Variants in SKAP1 observed in about 807,000 individuals in gnomAD.
SKAP1 encodes src kinase associated phosphoprotein 1, also known as src kinase-associated phosphoprotein 1.
SKAP1 carries 44 observed loss-of-function variants against 58.5 expected under a neutral mutation model. That is an observed-to-expected ratio of 0.75 (90% CI 0.59 to 0.97). The LOEUF is 0.97. SKAP1 is among the 50% of genes least tolerant of loss of function. The pLI, the probability that SKAP1 is intolerant of heterozygous loss-of-function variation, is 0.00. For synonymous variants in SKAP1, 127 were observed against 149.7 expected (o/e 0.85, Z 1.11); for missense variants, 390 against 435.2 (o/e 0.90, Z 0.92).
At chr17:48,296,160 C>T (rs2065967855) in intron 4 of SKAP1, among the ~76,000 whole-genome samples, 1 of 151,968 alleles carries the variant, frequency 6.6e-6, no homozygotes, top group East Asian at 1.9e-4. Context: ...AGCCAGAGCC[C>T]AGCCTGTTCC....
At chr17:48,402,608 G>A (rs2067513716) in intron 1 of SKAP1, among the ~76,000 whole-genome samples, 1 of 152,168 alleles carries the variant, frequency 6.6e-6, no homozygotes, top group Non-Finnish European at 1.5e-5. Flanking sequence ...GGGATTACAG[G>A]CGTGAGCCAC....
At chr17:48,201,309 C>G (rs775650212) in intron 4 of SKAP1, among the ~76,000 whole-genome samples, 4 of 146,542 alleles carry the variant, frequency 2.7e-5, no homozygotes, top group East Asian at 2.0e-4. Context: ...TTCTTCGTTC[C>G]TTCCTTCCTT....
chr17:48,137,922 C>A (rs1021662881), intron 11 of SKAP1, among the ~76,000 whole-genome samples: 1 of 152,164 alleles, frequency 6.6e-6, no homozygotes, highest in Non-Finnish European at 1.5e-5. Flanking sequence ...GGGATAATAT[C>A]TCCCTTCTAT....
chr17:48,373,422 G>T (rs1426472901), intron 2 of SKAP1, among the ~76,000 whole-genome samples: 1 of 152,104 alleles, frequency 6.6e-6, no homozygotes, highest in Non-Finnish European at 1.5e-5. Flanking sequence ...TGGGTGGGGG[G>T]ACAGAGCCAA....
chr17:48,439,286 A>G, the SKAP1 span, among the ~76,000 whole-genome samples: 20 of 152,332 alleles, frequency 1.3e-4, no homozygotes, highest in Non-Finnish European at 2.2e-4. Context: ...CAATATTCCA[A>G]TCAAAGCCTG....
At chr17:48,439,244 A>T in the SKAP1 span, among the ~76,000 whole-genome samples, 1 of 152,210 alleles carries the variant, frequency 6.6e-6, no homozygotes, top group Admixed American at 6.5e-5. Context: ...GCATCATGAG[A>T]CTATTGATGC....
intron 4 of SKAP1, among the ~76,000 whole-genome samples, chr17:48,233,809 T>C (rs1192944910): frequency 6.6e-6 from 1 of 152,080 alleles, no homozygotes; most frequent in Non-Finnish European, 1.5e-5. Context: ...TGGGCTGAGA[T>C]TGTGCCATTG....
At chr17:48,368,302 C>T (rs2067036354) in intron 2 of SKAP1, among the ~76,000 whole-genome samples, 1 of 152,180 alleles carries the variant, frequency 6.6e-6, no homozygotes, top group Admixed American at 6.5e-5. Context: ...ATAGAGAATT[C>T]TATACTCTTC....
At chr17:48,159,265 G>A (rs2064035967) in intron 11 of SKAP1, among the ~76,000 whole-genome samples, 1 of 152,196 alleles carries the variant, frequency 6.6e-6, no homozygotes, top group Admixed American at 6.5e-5. Context: ...GTTTTGCAGT[G>A]TCAGGCCCAC....
intron 3 of SKAP1, among the ~76,000 whole-genome samples, chr17:48,347,531 G>A (rs1332179695): frequency 6.6e-6 from 1 of 152,140 alleles, no homozygotes; most frequent in African/African-American, 2.4e-5. Flanking sequence ...GTAGGTAGAT[G>A]TCCATAACTG....
intron 11 of SKAP1, among the ~76,000 whole-genome samples, chr17:48,157,443 C>G (rs1360643889): frequency 6.6e-6 from 1 of 151,942 alleles, no homozygotes; most frequent in African/African-American, 2.4e-5. Flanking sequence ...CCATGTTGGC[C>G]AGGCTGGTCT....
intron 1 of SKAP1, among the ~76,000 whole-genome samples, chr17:48,398,796 C>T (rs531414977): frequency 3.3e-5 from 5 of 152,114 alleles, no homozygotes; most frequent in African/African-American, 4.8e-5. Flanking sequence ...CCAAGGCGGG[C>T]GGATCATGAG....
At chr17:48,175,652 G>C (rs1034983256) in intron 9 of SKAP1, among the ~76,000 whole-genome samples, 1 of 152,210 alleles carries the variant, frequency 6.6e-6, no homozygotes, top group Non-Finnish European at 1.5e-5. Context: ...TAATACCTAA[G>C]CATCTACTAA....
chr17:48,249,665 T>TAA (rs920972831), intron 4 of SKAP1, among the ~76,000 whole-genome samples: 1 of 146,170 alleles, frequency 6.8e-6, no homozygotes, highest in Non-Finnish European at 1.5e-5. Flanking sequence ...GACCTTGTCT[T>TAA]AAAAAAAAAA....
At chr17:48,412,499 G>A (rs1022849474) in intron 1 of SKAP1, among the ~76,000 whole-genome samples, 5 of 152,246 alleles carry the variant, frequency 3.3e-5, no homozygotes, top group East Asian at 1.9e-4. Context: ...GTAGTAGTGC[G>A]ATCAGCTCAA....
intron 3 of SKAP1, among the ~76,000 whole-genome samples, chr17:48,349,658 A>G (rs894692661): frequency 1.3e-5 from 2 of 152,160 alleles, no homozygotes; most frequent in African/African-American, 4.8e-5. Context: ...GGTATATTCA[A>G]TGGCAGGTTC....
intron 4 of SKAP1, among the ~76,000 whole-genome samples, chr17:48,302,017 T>C (rs992295255): frequency 2.6e-5 from 4 of 152,242 alleles, no homozygotes; most frequent in Non-Finnish European, 5.9e-5. Context: ...CTGTTGAGAT[T>C]ATAGGAAACC....
chr17:48,144,161 G>A (rs1308800031), intron 11 of SKAP1, among the ~76,000 whole-genome samples: 1 of 152,186 alleles, frequency 6.6e-6, no homozygotes, highest in Non-Finnish European at 1.5e-5. Flanking sequence ...GAGACCATAT[G>A]CATCCTGCTG....
At chr17:48,189,705 G>T (rs2064511334) in intron 4 of SKAP1, among the ~76,000 whole-genome samples, 1 of 151,124 alleles carries the variant, frequency 6.6e-6, no homozygotes, top group Non-Finnish European at 1.5e-5. Context: ...CAGAGTCTTG[G>T]TCTGTCACCC....
Sources: allele counts gnomAD v4.1 joint callset (sites outside exome capture counted in the v4.1 genomes callset), GRCh38; gene constraint gnomAD v4.1.1; transcripts MANE v1.5; gene names NCBI Gene and HGNC (gene_info 2026-07-23, HGNC 2026-07-21).